The following ABCC9 variants were observed in gnomAD, a reference collection of about 807,000 sequenced individuals.
ABCC9 encodes ATP binding cassette subfamily C member 9, also known as ATP-binding cassette sub-family C member 9.
In ABCC9, 95 loss-of-function variants were observed where a neutral mutation model predicts 188.3. The observed-to-expected ratio is 0.50, with a 90% CI of 0.43 to 0.60. ABCC9 has a LOEUF of 0.60. Among genes scored for constraint, ABCC9 ranks in the 20% least tolerant of loss-of-function variants. ABCC9 has a pLI of 0.00. For missense variants in ABCC9, 1,102 were observed against 1,876.3 expected (o/e 0.59, Z 7.62); for synonymous variants, 659 against 652.7 (o/e 1.01, Z -0.15).
intron 25 of ABCC9, 59 bp from the exon 26 acceptor site, chr12:21,845,891 A>G (rs928909550): frequency 1.4e-5 from 17 of 1,197,988 alleles, no homozygotes; most frequent in Admixed American, 1.1e-4. Context: ...TATAATTTTT[A>G]TTGCTCCACA....
At chr12:21,938,552 G>A (rs146398877) in intron 2 of ABCC9, among the ~76,000 whole-genome samples, 446 of 152,126 alleles carry the variant, frequency 2.9e-3, no homozygotes, top group Non-Finnish European at 5.4e-3. Context: ...CCTTTATTTA[G>A]TAGAAATGAT....
chr12:21,863,087 G>C, intron 19 of ABCC9, 33 bp from the exon 20 acceptor site: 1 of 1,391,540 alleles, frequency 7.2e-7, no homozygotes, highest in Non-Finnish European at 1.0e-6. Flanking sequence ...AAAAACACCA[G>C]GATTATGCAA....
At chr12:21,811,054 C>T (rs369031823) in intron 36 of ABCC9, among the ~76,000 whole-genome samples, 3 of 152,070 alleles carry the variant, frequency 2.0e-5, no homozygotes, top group African/African-American at 7.2e-5. Context: ...GTAATCCTCA[C>T]GTGTCCAGGG....
At chr12:21,935,883 TA>T (rs1949464890) in intron 3 of ABCC9, among the ~76,000 whole-genome samples, 1 of 152,176 alleles carries the variant, frequency 6.6e-6, no homozygotes, top group South Asian at 2.1e-4. Flanking sequence ...TAATTGCCCC[TA>T]ATTATCAGAT....
intron 19 of ABCC9, among the ~76,000 whole-genome samples, chr12:21,863,493 C>T (rs1046129776): frequency 6.6e-6 from 1 of 152,024 alleles, no homozygotes; most frequent in Admixed American, 6.6e-5. Flanking sequence ...GGCTTTGTGG[C>T]TTAATCACAT....
chr12:21,896,545 T>G (rs1048934213), intron 12 of ABCC9, among the ~76,000 whole-genome samples: 6 of 152,182 alleles, frequency 3.9e-5, no homozygotes, highest in African/African-American at 1.4e-4. Flanking sequence ...TAAGCCCAGA[T>G]GCATTAGCTA....
intron 2 of ABCC9, 139 bp from the exon 3 acceptor site, chr12:21,936,833 G>A (rs1009544143): frequency 1.1e-5 from 7 of 631,906 alleles, no homozygotes; most frequent in Non-Finnish European, 1.3e-5. Context: ...AAGAAACTCT[G>A]TGCCAAAGCA....
intron 12 of ABCC9, among the ~76,000 whole-genome samples, chr12:21,896,778 T>C (rs1947452309): frequency 1.3e-5 from 2 of 152,340 alleles, no homozygotes; most frequent in Middle Eastern, 3.4e-3. Context: ...CTGCATAGTA[T>C]TCCATGGTGT....
chr12:21,838,619 C>G (rs1944225593), intron 29 of ABCC9, among the ~76,000 whole-genome samples: 1 of 152,034 alleles, frequency 6.6e-6, no homozygotes, highest in Non-Finnish European at 1.5e-5. Context: ...TGTCTGGTGC[C>G]CAGAGTCCTT....
intron 4 of ABCC9, among the ~76,000 whole-genome samples, chr12:21,931,333 G>T (rs1399546984): frequency 1.3e-5 from 2 of 151,380 alleles, no homozygotes; most frequent in African/African-American, 2.4e-5. Context: ...TGCCATGATT[G>T]TAAGTTTCCT....
chr12:21,838,095 G>A lies in ABCC9; in HGVS notation c.3549C>T (p.Thr1183=). The stretch of plus-strand genomic sequence containing the variant: ...TTACTCACCTAAAGGCCCGAATGGT[G>A]GTGAGTCCTTCTGCTGTTTCTGAGA... ...CHFSETAEGL[T]TIRAFRHETR... Residue 1183 remains threonine (T), a synonymous_variant, in exon 30 of 40, where the codon ACC becomes ACT. Coordinates refer to ENST00000261200, the MANE Select transcript of ABCC9 (RefSeq NM_020297.4). 1 of 1,613,998 alleles carries A rather than the reference G, an allele frequency of 6.2e-7. No individual in the cohort carries two copies.
chr12:21,892,905 A>T (rs1056521858), intron 14 of ABCC9, among the ~76,000 whole-genome samples: 1 of 152,172 alleles, frequency 6.6e-6, no homozygotes, highest in Non-Finnish European at 1.5e-5. Context: ...TGTTTCCGTC[A>T]ATTGCAACAT....
intron 14 of ABCC9, among the ~76,000 whole-genome samples, chr12:21,888,956 T>C (rs1947011048): frequency 6.6e-6 from 1 of 152,012 alleles, no homozygotes; most frequent in Non-Finnish European, 1.5e-5. Flanking sequence ...ACAGGGGAGG[T>C]ATTGCCTTTG....
chr12:21,862,126 T>A (rs1467724560), intron 20 of ABCC9, among the ~76,000 whole-genome samples: 14 of 152,156 alleles, frequency 9.2e-5, no homozygotes, highest in African/African-American at 2.4e-4. Context: ...CCATCCCTTC[T>A]TTTATATTTC....
At position 21,895,266 on chromosome 12, in the gene ABCC9, G is replaced by A. The variant is rs1947346001; in HGVS notation, c.1659+9C>T. On this transcript the variant is annotated intron_variant, in intron 13 of 39. Coordinates refer to ENST00000261200, the MANE Select transcript of ABCC9 (RefSeq NM_020297.4). The stretch of plus-strand genomic sequence containing the variant: ...GTTTCATTTCTAAAAGAGAGAAAAA[G>A]TGTCTTACAGCAAGAACAGCTGCTA... 1 of 1,611,392 alleles carries A rather than the reference G, an allele frequency of 6.2e-7. No individual in the cohort carries two copies. The highest frequency in any genetic ancestry group is 1.7e-5 in the Admixed American group (1 of 59,968).
intron 11 of ABCC9, 84 bp downstream of exon 11, chr12:21,907,993 G>A: frequency 1.4e-6 from 2 of 1,381,220 alleles, no homozygotes; most frequent in Admixed American, 3.8e-5. Flanking sequence ...ATTATCTTTA[G>A]TGGTATGTAT....
chr12:21,836,156 G>A (rs944342676), intron 30 of ABCC9, among the ~76,000 whole-genome samples: 2 of 152,106 alleles, frequency 1.3e-5, no homozygotes, highest in Non-Finnish European at 2.9e-5. Context: ...GCCTCCTGGA[G>A]TCTCCTTGTC....
intron 30 of ABCC9, among the ~76,000 whole-genome samples, chr12:21,829,362 C>T (rs1267554919): frequency 4.0e-5 from 6 of 151,750 alleles, no homozygotes; most frequent in Admixed American, 6.6e-5. Context: ...CCACCATGCC[C>T]GGCTAATTTT....
At chr12:21,830,377 T>C (rs1943687662) in intron 30 of ABCC9, among the ~76,000 whole-genome samples, 2 of 152,232 alleles carry the variant, frequency 1.3e-5, no homozygotes, top group Non-Finnish European at 2.9e-5. Flanking sequence ...ATGTGATTTA[T>C]TCACTCTCTG....
Sources: gnomAD v4.1 joint callset for allele counts (sites outside exome capture counted in the v4.1 genomes callset) on GRCh38, gnomAD v4.1.1 for gene constraint, MANE v1.5 for transcripts, NCBI Gene and HGNC (gene_info 2026-07-23, HGNC 2026-07-21) for gene names.